Variants in STAU2 observed in about 807,000 individuals in gnomAD.
The protein encoded by STAU2 is staufen double-stranded RNA binding protein 2, also known as double-stranded RNA-binding protein Staufen homolog 2.
STAU2 carries 20 observed loss-of-function variants against 65.9 expected under a neutral mutation model. That is an observed-to-expected ratio of 0.30 (90% CI 0.21 to 0.44). STAU2 has a LOEUF of 0.44. Ranked by LOEUF, STAU2 falls within the 20% of genes least tolerant of loss-of-function variation. STAU2 has a pLI of 1.00. For synonymous variants in STAU2, 232 were observed against 233.9 expected (o/e 0.99, Z 0.07); for missense variants, 558 against 683.9 (o/e 0.82, Z 2.05).
chr8:73,553,807 T>C (rs928325168), intron 12 of STAU2, among the ~76,000 whole-genome samples: 25 of 152,052 alleles, frequency 1.6e-4, no homozygotes, highest in Non-Finnish European at 3.5e-4. Flanking sequence ...AGTTTTCTTT[T>C]TGTTGAAATT....
intron 13 of STAU2, among the ~76,000 whole-genome samples, chr8:73,424,267 C>T (rs1185973405): frequency 1.7e-4 from 23 of 138,454 alleles, no homozygotes; most frequent in Non-Finnish European, 1.8e-4. Context: ...GTGGCACGAT[C>T]TGGGCTCACT....
chr8:73,527,633 TG>T (rs1805531686), intron 13 of STAU2: 1 of 1,324,642 alleles, frequency 7.5e-7, no homozygotes, highest in Non-Finnish European at 1.0e-6. Flanking sequence ...TCCATTTTGA[TG>T]GCCTTCCATT....
intron 11 of STAU2, 94 bp from the exon 12 acceptor site, chr8:73,582,924 C>G: frequency 9.1e-7 from 1 of 1,103,116 alleles, no homozygotes; most frequent in Non-Finnish European, 1.3e-6. Flanking sequence ...GCAAAGTCCT[C>G]TCACATGGTT....
chr8:73,500,207 C>T (rs1236689306), intron 13 of STAU2, among the ~76,000 whole-genome samples: 1 of 151,884 alleles, frequency 6.6e-6, no homozygotes, highest in Non-Finnish European at 1.5e-5. Flanking sequence ...TCCACAGATG[C>T]TCAAGTCCTT....
At chr8:73,651,504 C>G in intron 6 of STAU2, 1 of 725,102 alleles carries the variant, frequency 1.4e-6, no homozygotes, top group Admixed American at 1.8e-5. Context: ...TCACTGCACG[C>G]ACCCCTGGCT....
Position 73,507,809 on chromosome 8 carries a change from G to A in STAU2, c.1530+44203C>T, listed in dbSNP as rs573946317. ...TCAATGATCTTAGCCAGATCTTCTG[G>A]ATAACTTGCTGCAGCTTCTACATCA... On this transcript the variant is annotated intron_variant, in intron 13 of 14. Coordinates refer to ENST00000524300, the MANE Select transcript of STAU2 (RefSeq NM_001164380.2). Among the ~76,000 whole-genome samples the A allele has an allele frequency of 1.1e-4, 16 of 152,248 alleles. 2 individuals carry two copies. In the South Asian group the frequency reaches 3.3e-3, roughly 32 times the overall value.
At chr8:73,473,571 T>C (rs1482880686) in intron 13 of STAU2, among the ~76,000 whole-genome samples, 1 of 152,174 alleles carries the variant, frequency 6.6e-6, no homozygotes, top group Non-Finnish European at 1.5e-5. Context: ...CAGAGGGCTG[T>C]GTGAGGACTG....
At chr8:73,479,142 A>G (rs1410375051) in intron 13 of STAU2, among the ~76,000 whole-genome samples, 1 of 152,040 alleles carries the variant, frequency 6.6e-6, no homozygotes, top group Non-Finnish European at 1.5e-5. Context: ...CCACTACATC[A>G]TTTCATTGGC....
chr8:73,642,526 T>TA lies in STAU2; in HGVS notation c.411-25076dup, dbSNP rs76887476. 4.5e-3 allele frequency among the ~76,000 whole-genome samples: 651 copies of TA among 145,394 alleles called. 1 individual carries two copies. The highest frequency in any genetic ancestry group is 0.013 in the African/African-American group (540 of 40,000). On this transcript the variant is annotated intron_variant, in intron 6 of 14. Coordinates refer to ENST00000524300, the MANE Select transcript of STAU2 (RefSeq NM_001164380.2). ...GACAGAGCAAGACTCCGTCCAAAAATAAAAAAAAAAAACTTTCATCTTCCA... is the reference window on the plus strand; with the variant it reads ...GACAGAGCAAGACTCCGTCCAAAAATAAAAAAAAAAAAACTTTCATCTTCCA...
At chr8:73,692,611 T>C (rs1217295873) in intron 4 of STAU2, among the ~76,000 whole-genome samples, 1 of 152,200 alleles carries the variant, frequency 6.6e-6, no homozygotes. Flanking sequence ...TAACAAATTA[T>C]GGAACCTGAG....
At chr8:73,617,531 T>C (rs1812916194) in intron 6 of STAU2, 80 bp from the exon 7 acceptor site, 1 of 1,354,014 alleles carries the variant, frequency 7.4e-7, no homozygotes, top group Non-Finnish European at 1.0e-6. Context: ...TTTAAAATGA[T>C]ACCAATTATA....
chr8:73,725,023 T>A (rs1422764392), intron 3 of STAU2, among the ~76,000 whole-genome samples: 1 of 152,146 alleles, frequency 6.6e-6, no homozygotes, highest in Admixed American at 6.6e-5. Flanking sequence ...ACTTTCAATA[T>A]TTTCATCTTA....
chr8:73,546,414 G>T (rs1806941241), intron 13 of STAU2, among the ~76,000 whole-genome samples: 1 of 152,152 alleles, frequency 6.6e-6, no homozygotes, highest in Non-Finnish European at 1.5e-5. Context: ...TACAGGGACT[G>T]GTCTTCAAAC....
intron 4 of STAU2, among the ~76,000 whole-genome samples, chr8:73,701,601 G>A (rs930494750): frequency 1.3e-5 from 2 of 152,146 alleles, no homozygotes; most frequent in Non-Finnish European, 2.9e-5. Flanking sequence ...CAAGGTTGTG[G>A]AGAAAAGGGT....
intron 6 of STAU2, among the ~76,000 whole-genome samples, chr8:73,658,201 TA>T (rs894521379): frequency 1.3e-4 from 20 of 150,680 alleles, no homozygotes; most frequent in Middle Eastern, 3.4e-3. Flanking sequence ...CCATCTCTAC[TA>T]AAAAAAAATT....
chr8:73,743,967 T>TC (rs1407511947), intron 1 of STAU2, among the ~76,000 whole-genome samples: 1 of 150,366 alleles, frequency 6.7e-6, no homozygotes, highest in Middle Eastern at 3.2e-3. Context: ...AGACGGGGTT[T>TC]CACCATGTTG....
chr8:73,514,130 T>C (rs545375625), intron 13 of STAU2, among the ~76,000 whole-genome samples: 5 of 152,322 alleles, frequency 3.3e-5, no homozygotes, highest in African/African-American at 1.2e-4. Flanking sequence ...AGAACTATTG[T>C]TAAGAGCTTT....
At chr8:73,704,130 C>G (rs981368412) in intron 4 of STAU2, among the ~76,000 whole-genome samples, 1 of 152,146 alleles carries the variant, frequency 6.6e-6, no homozygotes, top group African/African-American at 2.4e-5. Flanking sequence ...AGCTCAAAAT[C>G]TCTGCTCTAG....
intron 13 of STAU2, among the ~76,000 whole-genome samples, chr8:73,493,430 TTAA>T (rs1163680513): frequency 6.6e-6 from 1 of 151,700 alleles, no homozygotes; most frequent in Non-Finnish European, 1.5e-5. Flanking sequence ...GAAATATAAC[TTAA>T]TAATGAAAAG....
Sources: allele counts gnomAD v4.1 joint callset (sites outside exome capture counted in the v4.1 genomes callset), GRCh38; gene constraint gnomAD v4.1.1; transcripts MANE v1.5; gene names NCBI Gene and HGNC (gene_info 2026-07-23, HGNC 2026-07-21).